The following SUZ12 variants were observed in gnomAD, a reference collection of about 807,000 sequenced individuals.
The protein encoded by SUZ12 is SUZ12 polycomb repressive complex 2 subunit.
A neutral mutation model predicts 87.3 loss-of-function variants in SUZ12; 17 were observed. The ratio of observed to expected loss-of-function variants is 0.19; its 90% CI spans 0.13 to 0.29. The LOEUF is 0.29. Ranked by LOEUF, SUZ12 falls within the 10% of genes least tolerant of loss-of-function variation. The pLI is 1.00. For missense variants in SUZ12, 526 were observed against 912.2 expected, an observed-to-expected ratio of 0.58 and a Z score of 5.45; for synonymous variants, 253 against 312.4, an observed-to-expected ratio of 0.81 and a Z score of 2.01.
intron 10 of SUZ12, among the ~76,000 whole-genome samples, chr17:31,989,851 C>T (rs546141496): frequency 3.3e-5 from 5 of 150,720 alleles, no homozygotes; most frequent in South Asian, 4.2e-4. Context: ...CCTTGTGATC[C>T]GCCCGCCTTG....
At chr17:31,947,128 A>G (rs1398401914) in intron 3 of SUZ12, among the ~76,000 whole-genome samples, 3 of 152,198 alleles carry the variant, frequency 2.0e-5, no homozygotes, top group Non-Finnish European at 2.9e-5. Context: ...GTGTTTCAGA[A>G]TACACATAAT....
intron 12 of SUZ12, 141 bp downstream of exon 12, chr17:31,994,149 C>A: frequency 5.1e-6 from 4 of 778,950 alleles, no homozygotes; most frequent in Non-Finnish European, 7.6e-6. Context: ...GCATGACTTT[C>A]AAAAATTGTA....
intron 5 of SUZ12, 131 bp from the exon 6 acceptor site, chr17:31,973,015 A>C (rs1186471540): frequency 5.6e-6 from 4 of 712,686 alleles, no homozygotes; most frequent in African/African-American, 1.9e-5. Flanking sequence ...TTGAGGAAAA[A>C]AGAATGAGTG....
chr17:31,979,339 A>G (rs559429012), intron 8 of SUZ12, among the ~76,000 whole-genome samples: 8 of 152,240 alleles, frequency 5.3e-5, no homozygotes, highest in African/African-American at 1.9e-4. Flanking sequence ...ACATTTTCTG[A>G]TATAACCACC....
intron 4 of SUZ12, among the ~76,000 whole-genome samples, chr17:31,958,326 G>A (rs1907488453): frequency 1.3e-5 from 2 of 152,214 alleles, no homozygotes; most frequent in Admixed American, 6.5e-5. Flanking sequence ...GTGAGCCACT[G>A]CATCCGACCT....
chr17:31,954,042 G>A (rs1026436572), intron 4 of SUZ12, among the ~76,000 whole-genome samples: 5 of 151,520 alleles, frequency 3.3e-5, no homozygotes, highest in Non-Finnish European at 7.4e-5. Flanking sequence ...TGATAAGTCA[G>A]TGTGCCTTTT....
rs71360790 is a variant in SUZ12, at chr17:31,949,676, C to CTTTTTTTT, written c.455+2013_455+2020dup. On this transcript the variant is annotated intron_variant, in intron 4 of 15. Transcript: ENST00000322652. ...CCACACCCAGCCCCCCCCCCCCCCC[C>CTTTTTTTT]TTTTTTTTTTTTTTTTTTTTTTTTT... Among the ~76,000 whole-genome samples, 20 of 12,386 alleles carry CTTTTTTTT rather than the reference C, an allele frequency of 1.6e-3. 3 individuals carry two copies. Among genetic ancestry groups the CTTTTTTTT allele is most frequent in the African/African-American group, 6.6e-3 (19 of 2,882 alleles). 8.1% of individuals were successfully genotyped at this position (12,386 alleles called of 152,430 possible).
intron 6 of SUZ12, among the ~76,000 whole-genome samples, chr17:31,974,264 G>C (rs1440562120): frequency 6.6e-6 from 1 of 152,174 alleles, no homozygotes; most frequent in Non-Finnish European, 1.5e-5. Flanking sequence ...CCAGGTGCTG[G>C]TGGCTCACGC....
chr17:31,983,433 C>T (rs1335816447), intron 9 of SUZ12, among the ~76,000 whole-genome samples: 1 of 148,914 alleles, frequency 6.7e-6, no homozygotes, highest in Non-Finnish European at 1.5e-5. Flanking sequence ...CTGCGTGCCA[C>T]CACGCCTGGC....
At chr17:31,969,248 A>C (rs1046282775) in intron 5 of SUZ12, among the ~76,000 whole-genome samples, 1 of 152,010 alleles carries the variant, frequency 6.6e-6, no homozygotes, top group Non-Finnish European at 1.5e-5. Flanking sequence ...GGGTTCAAGC[A>C]ATTCTGTTGC....
intron 11 of SUZ12, 140 bp from the exon 12 acceptor site, chr17:31,993,724 TG>T: frequency 1.1e-6 from 1 of 891,166 alleles, no homozygotes; most frequent in Non-Finnish European, 1.7e-6. Context: ...CTCGCGTCAC[TG>T]GGCATATTTA....
chr17:31,994,694 C>A lies in SUZ12; in HGVS notation c.1568C>A (p.Thr523Lys). 1 of 1,613,882 alleles carries A rather than the reference C, an allele frequency of 6.2e-7. No individual in the cohort carries two copies. Among genetic ancestry groups the A allele is most frequent in the Non-Finnish European group, 8.5e-7 (1 of 1,179,920 alleles). Reference protein sequence around the residue: ...AFSRNGPVKRTPITHILVCRP... With the variant: ...AFSRNGPVKRKPITHILVCRP... ...AGTCGCAACGGACCAGTTAAGAGAA[C>A]ACCTATCACACATATTCTTGTGTGC... The change falls in exon 13 of 16, where the codon ACA becomes AAA. Residue 523 changes from threonine (T) to lysine (K), a missense_variant. Thr to Lys is a moderately conservative substitution (Grantham distance 78, BLOSUM62 -1). Coordinates refer to ENST00000322652, the MANE Select transcript of SUZ12 (RefSeq NM_015355.4).
intron 1 of SUZ12, among the ~76,000 whole-genome samples, chr17:31,939,770 C>T (rs1906163589): frequency 6.6e-6 from 1 of 152,096 alleles, no homozygotes; most frequent in Non-Finnish European, 1.5e-5. Context: ...AGGTGATCTG[C>T]CCACCTTGGC....
At chr17:31,976,810 T>C (rs1217161545) in intron 8 of SUZ12, among the ~76,000 whole-genome samples, 196 bp downstream of exon 8, 2 of 152,226 alleles carry the variant, frequency 1.3e-5, no homozygotes, top group Non-Finnish European at 2.9e-5. Flanking sequence ...TTCGGATAGA[T>C]AGCTCAGTTA....
intron 8 of SUZ12, among the ~76,000 whole-genome samples, chr17:31,976,856 A>T (rs562787001): frequency 6.6e-6 from 1 of 152,088 alleles, no homozygotes. Flanking sequence ...CTGAGTGTCT[A>T]CTCTTTGCCA....
At chr17:31,988,584 T>C in intron 10 of SUZ12, 87 bp downstream of exon 10, 1 of 1,336,538 alleles carries the variant, frequency 7.5e-7, no homozygotes, top group Non-Finnish European at 1.0e-6. Context: ...GTGTTTTGCT[T>C]TATGTGATTC....
chr17:31,981,183 G>A (rs1909081247), intron 8 of SUZ12, among the ~76,000 whole-genome samples: 1 of 152,110 alleles, frequency 6.6e-6, no homozygotes, highest in African/African-American at 2.4e-5. Flanking sequence ...TGACAAGATG[G>A]GGAGAAATTA....
At chr17:31,979,901 A>G (rs550797215) in intron 8 of SUZ12, among the ~76,000 whole-genome samples, 4 of 151,964 alleles carry the variant, frequency 2.6e-5, no homozygotes, top group Non-Finnish European at 4.4e-5. Context: ...GAAAATGGTA[A>G]TTTTCTAACA....
chr17:31,987,193 T>C (rs1322490712), intron 9 of SUZ12, among the ~76,000 whole-genome samples: 1 of 152,192 alleles, frequency 6.6e-6, no homozygotes, highest in African/African-American at 2.4e-5. Context: ...GGGTCACTAG[T>C]AGAATGATAA....
Sources: allele counts gnomAD v4.1 joint callset (sites outside exome capture counted in the v4.1 genomes callset), GRCh38; gene constraint gnomAD v4.1.1; transcripts MANE v1.5; gene names NCBI Gene and HGNC (gene_info 2026-07-23, HGNC 2026-07-21).